EPHB1: variants seen among roughly 807,000 people sequenced by gnomAD.
EPHB1 encodes the protein EPH receptor B1.
A neutral mutation model predicts 94.4 loss-of-function variants in EPHB1; 30 were observed. The ratio of observed to expected loss-of-function variants is 0.32; its 90% CI spans 0.24 to 0.43. EPHB1 has a LOEUF of 0.43. EPHB1 is among the 20% of genes least tolerant of loss of function. The pLI, the probability that EPHB1 is intolerant of heterozygous loss-of-function variation, is 1.00. For synonymous variants in EPHB1, 522 were observed against 489.1 expected (o/e 1.07, Z -0.89); for missense variants, 1,055 against 1,308.3 (o/e 0.81, Z 2.99).
chr3:134,972,499 ATTATAAATATATATTATTATATATTT>A (rs1559777734), intron 3 of EPHB1, among the ~76,000 whole-genome samples: 13 of 49,716 alleles, frequency 2.6e-4, no homozygotes, highest in African/African-American at 2.0e-3. Context: ...TTATATATTT[ATTATAAATATATATTATTATATATTT>A]ATTATAAATA....
intron 1 of EPHB1, among the ~76,000 whole-genome samples, chr3:134,827,097 C>T (rs1197905062): frequency 5.9e-5 from 9 of 152,214 alleles, no homozygotes; most frequent in Non-Finnish European, 1.2e-4. Flanking sequence ...CCACAGATTC[C>T]ATTACTCAAG....
chr3:135,050,131 G>T (rs747617960), intron 3 of EPHB1, among the ~76,000 whole-genome samples: 18 of 152,222 alleles, frequency 1.2e-4, no homozygotes, highest in Non-Finnish European at 1.5e-4. Flanking sequence ...TAGAGGAAAT[G>T]ATATAGAGAT....
At chr3:134,910,467 A>G (rs2038428531) in intron 1 of EPHB1, among the ~76,000 whole-genome samples, 1 of 152,230 alleles carries the variant, frequency 6.6e-6, no homozygotes, top group Non-Finnish European at 1.5e-5. Context: ...TATTTATGGC[A>G]TTGTGAATAT....
chr3:135,046,285 A>T (rs564807847), intron 3 of EPHB1, among the ~76,000 whole-genome samples: 1 of 152,370 alleles, frequency 6.6e-6, no homozygotes, highest in African/African-American at 2.4e-5. Flanking sequence ...TCTAAACTAT[A>T]GCTCTTGCTA....
intron 1 of EPHB1, among the ~76,000 whole-genome samples, chr3:134,888,919 C>G (rs1193911348): frequency 6.6e-6 from 1 of 151,952 alleles, no homozygotes; most frequent in Non-Finnish European, 1.5e-5. Context: ...GGGAGGGGGG[C>G]CCTGCAAAAG....
At chr3:135,171,119 G>A (rs115014278) in intron 9 of EPHB1, among the ~76,000 whole-genome samples, 2,280 of 152,134 alleles carry the variant, frequency 0.015, 27 homozygotes, top group Middle Eastern at 0.027. Flanking sequence ...TGAGTTCTGG[G>A]CATTCACATT....
At chr3:135,200,842 C>A (rs909563483) in intron 11 of EPHB1, among the ~76,000 whole-genome samples, 1 of 151,978 alleles carries the variant, frequency 6.6e-6, no homozygotes, top group Non-Finnish European at 1.5e-5. Flanking sequence ...GACATTTAAG[C>A]GGAGAACTGA....
intron 1 of EPHB1, among the ~76,000 whole-genome samples, chr3:134,876,872 C>T (rs1218492260): frequency 6.6e-6 from 1 of 152,180 alleles, no homozygotes; most frequent in Non-Finnish European, 1.5e-5. Context: ...CCTTCTTTGA[C>T]TGCTCCCACC....
chr3:135,039,635 G>C (rs1041186831), intron 3 of EPHB1, among the ~76,000 whole-genome samples: 1 of 152,220 alleles, frequency 6.6e-6, no homozygotes. Context: ...CGGCACTGCT[G>C]GTGGACTCAG....
At chr3:135,253,706 G>C (rs1176037972) in intron 15 of EPHB1, among the ~76,000 whole-genome samples, 8 of 145,836 alleles carry the variant, frequency 5.5e-5, no homozygotes, top group African/African-American at 2.0e-4. Context: ...GCTCTTTTTT[G>C]GTTCCATATG....
intron 3 of EPHB1, among the ~76,000 whole-genome samples, chr3:135,102,345 T>C (rs1939062717): frequency 6.6e-6 from 1 of 152,228 alleles, no homozygotes; most frequent in South Asian, 2.1e-4. Flanking sequence ...CTTTTGCTTC[T>C]CATGGCCTGA....
chr3:135,135,222 G>A (rs1399929730), intron 5 of EPHB1, among the ~76,000 whole-genome samples: 1 of 152,076 alleles, frequency 6.6e-6, no homozygotes, highest in Admixed American at 6.5e-5. Context: ...GCTGAGAGAA[G>A]GATGCAATTT....
At chr3:135,257,938 G>T (rs144013288) in intron 15 of EPHB1, among the ~76,000 whole-genome samples, 1 of 152,168 alleles carries the variant, frequency 6.6e-6, no homozygotes, top group Non-Finnish European at 1.5e-5. Flanking sequence ...TAAGCCTGTC[G>T]GAAAAGTGCA....
chr3:135,165,636 G>T (rs1159402), intron 7 of EPHB1, among the ~76,000 whole-genome samples: 26,007 of 152,120 alleles, frequency 0.17, 2,406 homozygotes, highest in Middle Eastern at 0.27. Flanking sequence ...CCCTTCATTG[G>T]AATGTCCTTA....
rs529481352 is a variant in EPHB1, at chr3:134,852,957, T to C, written c.58+57268T>C. 3.9e-5 allele frequency among the ~76,000 whole-genome samples: 6 copies of C among 152,138 alleles called. No homozygotes were observed. In the South Asian group the frequency reaches 1.2e-3, roughly 32 times the overall value. ...TTGCTTTCCTCTCTGAGCCTCACAG[T>C]CTCCTTCCATACTGTCAGAGGGCAG... On this transcript the variant is annotated intron_variant, in intron 1 of 15. Coordinates refer to ENST00000398015, the MANE Select transcript of EPHB1 (RefSeq NM_004441.5).
intron 1 of EPHB1, among the ~76,000 whole-genome samples, chr3:134,802,959 G>A (rs967154907): frequency 3.9e-5 from 6 of 152,082 alleles, no homozygotes; most frequent in Admixed American, 2.0e-4. Flanking sequence ...ATCTGCTTGC[G>A]AAAAGAGGGA....
chr3:135,254,785 G>A (rs2107734391), intron 15 of EPHB1, among the ~76,000 whole-genome samples: 1 of 152,230 alleles, frequency 6.6e-6, no homozygotes, highest in South Asian at 2.1e-4. Context: ...AGTTTCAGAA[G>A]GAATGGTACC....
At chr3:134,925,624 A>G (rs1414784348) in intron 1 of EPHB1, among the ~76,000 whole-genome samples, 192 bp from the exon 2 acceptor site, 1 of 152,124 alleles carries the variant, frequency 6.6e-6, no homozygotes, top group East Asian at 1.9e-4. Flanking sequence ...CATAAGCTGC[A>G]TAATCTTGGC....
chr3:134,887,909 G>A (rs919985784), intron 1 of EPHB1, among the ~76,000 whole-genome samples: 1 of 152,180 alleles, frequency 6.6e-6, no homozygotes, highest in Non-Finnish European at 1.5e-5. Flanking sequence ...TTCCAGCCTG[G>A]ATTTGTGTTG....
Sources: allele counts gnomAD v4.1 joint callset (sites outside exome capture counted in the v4.1 genomes callset), GRCh38; gene constraint gnomAD v4.1.1; transcripts MANE v1.5; gene names NCBI Gene and HGNC (gene_info 2026-07-23, HGNC 2026-07-21).